The following SERPING1 variants were observed in gnomAD, a reference collection of about 807,000 sequenced individuals.
SERPING1 encodes the protein plasma protease C1 inhibitor.
In SERPING1, 5 loss-of-function variants were observed where a neutral mutation model predicts 34.1. That is an observed-to-expected ratio of 0.15 (90% confidence interval 0.08 to 0.31). SERPING1 has a LOEUF of 0.31. SERPING1 is among the 10% of genes least tolerant of loss of function. The pLI, the probability that SERPING1 is intolerant of heterozygous loss-of-function variation, is 1.00. For missense variants in SERPING1, 505 were observed against 609.5 expected, an observed-to-expected ratio of 0.83 and a Z score of 1.81; for synonymous variants, 225 against 242.4, an observed-to-expected ratio of 0.93 and a Z score of 0.67.
intron 6 of SERPING1, among the ~76,000 whole-genome samples, chr11:57,610,426 T>G (rs2135323051): frequency 6.6e-6 from 1 of 152,240 alleles, no homozygotes; most frequent in South Asian, 2.1e-4. Flanking sequence ...CTCAAATGAG[T>G]ATATCCAACT....
At chr11:57,611,624 G>A in intron 6 of SERPING1, 93 bp from the exon 7 acceptor site, 3 of 1,157,528 alleles carry the variant, frequency 2.6e-6, no homozygotes, top group Non-Finnish European at 3.9e-6. Context: ...TACAGACTGT[G>A]GGAGCAGACT....
In SERPING1 at chr11:57,614,375, G is replaced by A; in HGVS notation, c.1297G>A (p.Asp433Asn). Residue 433 changes from aspartate (D) to asparagine (N), a missense_variant, in exon 8 of 8, where the codon GAC becomes AAC. Physicochemically the swap from Asp to Asn is conservative, Grantham distance 23. Transcript: ENST00000278407. ...YDLNLCGLTE[D>N]PDLQVSAMQH... is the part of the protein sequence containing the mutation. ...CCTTAACCTGTGTGGGCTGACAGAG[G>A]ACCCAGATCTTCAGGTTTCTGCGAT... The A allele has an allele frequency of 1.2e-6, 2 of 1,614,084 alleles. No individual in the cohort carries two copies. The highest frequency in any genetic ancestry group is 1.7e-6 in the Non-Finnish European group (2 of 1,180,028).
At chr11:57,603,575 A>G (rs1429867799) in intron 4 of SERPING1, among the ~76,000 whole-genome samples, 4 of 151,122 alleles carry the variant, frequency 2.6e-5, no homozygotes, top group Admixed American at 2.6e-4. Flanking sequence ...GCGGTGGCTC[A>G]TGCCTGTAAT....
chr11:57,613,585 A>C (rs1330470380), intron 7 of SERPING1, among the ~76,000 whole-genome samples: 1 of 152,228 alleles, frequency 6.6e-6, no homozygotes, highest in Non-Finnish European at 1.5e-5. Context: ...TCCTGGGCCC[A>C]GCAGCATCTA....
rs571526863 is a variant in SERPING1 at position 57,611,418 on chromosome 11, A to G, written c.1030-299A>G. ...TGCACAACACATTAGGAAGGAAGGG[A>G]ACAGCGCTCAGAGAAATCAAATCAC... is the stretch of plus-strand genomic sequence containing the variant. On this transcript the variant is annotated intron_variant, in intron 6 of 7. Transcript: ENST00000278407. The G allele has an allele frequency of 1.6e-4, 76 of 480,086 alleles. 2 individuals are homozygous for G. In the South Asian group the frequency reaches 1.6e-3, roughly 10 times the overall value. The allele number at this position is 480,086 out of a possible 1,614,324, so 29.7% of individuals were successfully genotyped here.
At chr11:57,601,998 T>A in intron 3 of SERPING1, 37 bp from the exon 4 acceptor site, 1 of 1,603,880 alleles carries the variant, frequency 6.2e-7, no homozygotes, top group South Asian at 1.1e-5. Context: ...CCCCGACTCA[T>A]CCTGCAAGTA....
At chr11:57,604,482 A>G (rs567699343) in intron 4 of SERPING1, among the ~76,000 whole-genome samples, 1 of 152,034 alleles carries the variant, frequency 6.6e-6, no homozygotes, top group South Asian at 2.1e-4. Context: ...GGAAGGGTTC[A>G]CCACTTCCTG....
Position 57,613,035 on chromosome 11 carries a change from C to T in SERPING1, c.1249+1099C>T, listed in dbSNP as rs549994895. Among the ~76,000 whole-genome samples, 25 of 152,354 alleles carry T rather than the reference C, an allele frequency of 1.6e-4. No individual in the cohort carries two copies. The East Asian group carries it at 4.8e-3, about 29-fold the overall frequency. ...GTGCTGGGATTACAGGTGTGAGCCA[C>T]TGTGCCCAGCCTCATTTTCTAACCT... On this transcript the variant is annotated intron_variant, in intron 7 of 7. Transcript: ENST00000278407.
chr11:57,611,561 C>A lies in SERPING1; in HGVS notation c.1030-156C>A, dbSNP rs1027832739. 5.3e-6 allele frequency: 4 copies of A among 753,652 alleles called. No individual in the cohort carries two copies. In the African/African-American group the frequency reaches 6.8e-5, roughly 13 times the overall value. 46.7% of individuals were successfully genotyped at this position (753,652 alleles called of 1,614,324 possible). On this transcript the variant is annotated intron_variant, in intron 6 of 7. Coordinates refer to ENST00000278407, the MANE Select transcript of SERPING1 (RefSeq NM_000062.3). ...TCAGCACTGTTCACCCAGCTGGTATCCCCATTTCATGGTAAAGCCTGGAAG... is the reference window on the plus strand; with the variant it reads ...TCAGCACTGTTCACCCAGCTGGTATACCCATTTCATGGTAAAGCCTGGAAG...
Position 57,611,740 on chromosome 11 carries a change from C to T in SERPING1, c.1053C>T (p.His351=). The T allele has an allele frequency of 1.2e-6, 2 of 1,614,182 alleles. No homozygotes were observed. Among genetic ancestry groups the T allele is most frequent in the South Asian group, 1.1e-5 (1 of 91,084 alleles). The stretch of plus-strand genomic sequence containing the variant: ...AGGTGGGGCAGCTGCAGCTCTCCCA[C>T]AATCTGAGTTTGGTGATCCTGGTAC... The part of the protein sequence containing the change: ...KAKVGQLQLS[H]NLSLVILVPQ... The change falls in exon 7 of 8, where the codon CAC becomes CAT. Residue 351 remains histidine, a synonymous_variant. Transcript: ENST00000278407.
At chr11:57,605,967 A>T (rs1945404291) in intron 4 of SERPING1, 43 bp from the exon 5 acceptor site, 2 of 1,552,422 alleles carry the variant, frequency 1.3e-6, no homozygotes, top group Non-Finnish European at 1.8e-6. Flanking sequence ...GGAAAGAACG[A>T]CGTGTTCAGG....
rs2511988 is a variant in SERPING1 at position 57,611,697 on chromosome 11, A to G, written c.1030-20A>G. 0.65 allele frequency: 1,049,025 copies of G among 1,607,436 alleles called. 350,180 individuals carry two copies. The highest frequency in any genetic ancestry group is 0.7 in the Non-Finnish European group (817,979 of 1,174,278). ...GAGATGCGGTAGGAAGACTGTTAAG[A>G]TGCATCTCTTATTTTCTAGGTGGGG... On this transcript the variant is annotated intron_variant, in intron 6 of 7. Transcript: ENST00000278407.
At position 57,614,341 on chromosome 11, in the gene SERPING1, T is replaced by G; in HGVS notation, c.1263T>G (p.Phe421Leu). The G allele has an allele frequency of 6.2e-7, 1 of 1,613,924 alleles. No individual in the cohort carries two copies. The highest frequency in any genetic ancestry group is 8.5e-7 in the Non-Finnish European group (1 of 1,180,034). ...GTTTTGCCCTAGAATTCTTCGATTTTTCTTATGACCTTAACCTGTGTGGGC... is the reference window on the plus strand; with the variant it reads ...GTTTTGCCCTAGAATTCTTCGATTTGTCTTATGACCTTAACCTGTGTGGGC... Reference protein sequence around the residue: ...SIMEKLEFFDFSYDLNLCGLT... With the variant: ...SIMEKLEFFDLSYDLNLCGLT... The change falls in exon 8 of 8, where the codon TTT becomes TTG. Residue 421 changes from phenylalanine to leucine, a missense_variant. Coordinates refer to ENST00000278407, the MANE Select transcript of SERPING1 (RefSeq NM_000062.3).
At chr11:57,605,803 T>C in intron 4 of SERPING1, 1 of 634,232 alleles carries the variant, frequency 1.6e-6, no homozygotes, top group Non-Finnish European at 2.9e-6. Flanking sequence ...GGCTTGGGGC[T>C]ACTTCTCTTG....
chr11:57,602,970 C>G (rs558182453), intron 4 of SERPING1, among the ~76,000 whole-genome samples: 1 of 151,366 alleles, frequency 6.6e-6, no homozygotes, highest in Admixed American at 6.6e-5. Flanking sequence ...TGGTGGCTCA[C>G]ACCTGTAATC....
chr11:57,603,620 C>G (rs1323576850), intron 4 of SERPING1, among the ~76,000 whole-genome samples: 1 of 150,352 alleles, frequency 6.7e-6, no homozygotes, highest in Admixed American at 6.6e-5. Flanking sequence ...GGGCGGACCA[C>G]GAGGTCAGAA....
In SERPING1 at chr11:57,614,584, C is replaced by T. The variant is rs771960340; in HGVS notation, c.*3C>T. The T allele has an allele frequency of 6.2e-6, 10 of 1,613,338 alleles. No individual in the cohort carries two copies. Among genetic ancestry groups the T allele is most frequent in the Non-Finnish European group, 8.5e-6 (10 of 1,179,984 alleles). The stretch of plus-strand genomic sequence containing the variant: ...GAGTATATGACCCCAGGGCCTGAGA[C>T]CTGCAGGATCAGGTTAGGGCGAGCG... On this transcript the variant is annotated 3_prime_UTR_variant, in exon 8 of 8. Transcript: ENST00000278407.
chr11:57,611,655 A>G (rs1945477074), intron 6 of SERPING1, 62 bp from the exon 7 acceptor site: 11 of 1,450,178 alleles, frequency 7.6e-6, no homozygotes, highest in Non-Finnish European at 6.8e-6. Context: ...ATTGTGACAG[A>G]GGGTGGGGCC....
At chr11:57,599,828 G>C (rs1324136834) in intron 2 of SERPING1, 51 bp from the exon 3 acceptor site, 1 of 1,613,510 alleles carries the variant, frequency 6.2e-7, no homozygotes, top group Non-Finnish European at 8.5e-7. Flanking sequence ...TATTTTAGAG[G>C]ACTGTGCCTC....
Sources: gnomAD v4.1 joint callset for allele counts (sites outside exome capture counted in the v4.1 genomes callset) on GRCh38, gnomAD v4.1.1 for gene constraint, MANE v1.5 for transcripts, NCBI Gene and HGNC (gene_info 2026-07-23, HGNC 2026-07-21) for gene names.